Variants in KANK2 observed in about 807,000 individuals in gnomAD.
KANK2 encodes KN motif and ankyrin repeat domains 2, also known as KN motif and ankyrin repeat domain-containing protein 2.
Under a neutral mutation model 74.6 loss-of-function variants are expected in KANK2, and 41 were observed. That is an observed-to-expected ratio of 0.55 (90% CI 0.43 to 0.71). The LOEUF is 0.71. Ranked by LOEUF, KANK2 falls within the 30% of genes least tolerant of loss-of-function variation. The probability of loss-of-function intolerance (pLI) is 0.00; values close to 1 mark genes in which losing one functional copy is unlikely to be tolerated. For synonymous variants in KANK2, 537 were observed against 519.0 expected, an observed-to-expected ratio of 1.03 and a Z score of -0.47; for missense variants, 1,148 against 1,196.4, an observed-to-expected ratio of 0.96 and a Z score of 0.60.
In KANK2 at chr19:11,178,714, G is replaced by T. The variant is rs1416367626; in HGVS notation, c.1256C>A (p.Pro419Gln). 8 of 1,533,472 alleles carry T rather than the reference G, an allele frequency of 5.2e-6. No homozygotes were observed. The highest frequency in any genetic ancestry group is 2.3e-5 in the Admixed American group (1 of 42,820). 95.0% of individuals were successfully genotyped at this position (1,533,472 alleles called of 1,614,324 possible). ...ERSCDGAAGL[P>Q]EVPAESSSSP... Reference sequence around the variant, plus strand: ...CGAAGACGATTCGGCAGGAACTTCTGGGAGGCCTGGAGGGACAGGAAATGA... The same window carrying T: ...CGAAGACGATTCGGCAGGAACTTCTTGGAGGCCTGGAGGGACAGGAAATGA... Residue 419 changes from proline (P) to glutamine (Q), a missense_variant, in exon 5 of 13, where the codon CCA becomes CAA. Coordinates refer to ENST00000586659, the MANE Select transcript of KANK2 (RefSeq NM_001136191.3).
rs898908466 is a variant in KANK2 at position 11,164,979 on chromosome 19, G to T, written c.*1579C>A. On this transcript the variant is annotated 3_prime_UTR_variant, in exon 13 of 13. Transcript: ENST00000586659. ...AGGCTGAGCTCACTGGCCTCGAAAG[G>T]GCAGCGCGCGTATTTGGTTTGGAGC... 1.2e-4 allele frequency: 18 copies of T among 152,114 alleles called. No individual in the cohort carries two copies. Among genetic ancestry groups the T allele is most frequent in the African/African-American group, 4.1e-4 (17 of 41,402 alleles). The allele number at this position is 152,114 out of a possible 1,614,324, so 9.4% of individuals were successfully genotyped here.
intron 12 of KANK2, among the ~76,000 whole-genome samples, chr19:11,169,222 C>A (rs1226004807): frequency 2.0e-5 from 3 of 152,122 alleles, no homozygotes; most frequent in Non-Finnish European, 4.4e-5. Context: ...CCTGTAATCC[C>A]AGCTACTTTG....
chr19:11,192,999 C>T lies in KANK2; in HGVS notation c.1081G>A (p.Gly361Ser), dbSNP rs929051695. 13 of 1,613,788 alleles carry T rather than the reference C, an allele frequency of 8.1e-6. No homozygotes were observed. Among genetic ancestry groups the T allele is most frequent in the African/African-American group, 2.7e-5 (2 of 74,948 alleles). ...ATTGCCAGGGCCCTCAGCCCTGTGC[C>T]GTAAGGCTCCAGGCTCTGGGCCCGC... is the stretch of plus-strand genomic sequence containing the variant. Reference protein sequence around the residue: ...AQRAQSLEPYGTGLRALAMPG... With the variant: ...AQRAQSLEPYSTGLRALAMPG... The change falls in exon 4 of 13, where the codon GGC becomes AGC. Residue 361 changes from glycine to serine, a missense_variant. Gly to Ser is a moderately conservative substitution (Grantham distance 56). Transcript: ENST00000586659.
Position 11,192,844 on chromosome 19 carries a change from G to T in KANK2, c.1236C>A (p.Cys412Ter). Residue 412 changes from cysteine (C) to a stop codon, truncating the protein, a stop_gained, in exon 4 of 13, where the codon TGC becomes TGA. Transcript: ENST00000586659. LOFTEE classifies it high-confidence loss of function. ...GCGACCGCTTACCTGCTGCTCCATC[G>T]CAGCTTCGCTCTGTGATGCTAATCT... is the stretch of plus-strand genomic sequence containing the variant. The part of the protein sequence containing the change: ...VKKISITERS[C>*]DGAAGLPEVP... 6.3e-7 allele frequency: 1 copy of T among 1,597,060 alleles called. No homozygotes were observed. Among genetic ancestry groups the T allele is most frequent in the Non-Finnish European group, 8.5e-7 (1 of 1,172,826 alleles).
chr19:11,186,564 G>C (rs1271959491), intron 4 of KANK2, among the ~76,000 whole-genome samples: 1 of 151,158 alleles, frequency 6.6e-6, no homozygotes, highest in Non-Finnish European at 1.5e-5. Context: ...AGGCGTGGTG[G>C]GGCGCATGCC....
chr19:11,176,966 T>G, intron 6 of KANK2, 149 bp from the exon 7 acceptor site: 1 of 926,088 alleles, frequency 1.1e-6, no homozygotes, highest in Non-Finnish European at 1.5e-6. Flanking sequence ...GGTTGTGGGA[T>G]GTGGTTTACA....
chr19:11,168,310 T>TC (rs1159718266), intron 12 of KANK2, among the ~76,000 whole-genome samples: 2 of 146,252 alleles, frequency 1.4e-5, no homozygotes, highest in Non-Finnish European at 1.5e-5. Flanking sequence ...GGCCTCTTTC[T>TC]TTTTTTTTTT....
chr19:11,179,017 C>T (rs534396436), intron 4 of KANK2, among the ~76,000 whole-genome samples: 4 of 152,068 alleles, frequency 2.6e-5, no homozygotes, highest in African/African-American at 4.8e-5. Context: ...CCTGAGTGAT[C>T]GCTAAAAATA....
intron 3 of KANK2, 116 bp from the exon 4 acceptor site, chr19:11,194,158 G>A: frequency 8.9e-7 from 1 of 1,122,262 alleles, no homozygotes; most frequent in Non-Finnish European, 1.2e-6. Flanking sequence ...AGCCCACCTG[G>A]TACTCAACCG....
Position 11,193,590 on chromosome 19 carries a change from AC to A in KANK2, c.489del (p.Leu164CysfsTer43). ...GAACTCCGTGGTGTCGGGGGTGGCA[AC>A]CCCACGCCCACCAGGGAGGCTGTCG... ...AGSTASLVGV[G>X]LPPPTPRSSG... On this transcript the variant is annotated frameshift_variant, in exon 4 of 13. Transcript: ENST00000586659. LOFTEE classifies it high-confidence loss of function. The surrounding 1 kb of genome is among the most constrained non-coding windows in gnomAD (Gnocchi z 9.6). The A allele has an allele frequency of 6.3e-7, 1 of 1,581,614 alleles. No individual in the cohort carries two copies.
Position 11,194,526 on chromosome 19 carries a change from A to G in KANK2, c.-15T>C, listed in dbSNP as rs1168928854. 3.1e-6 allele frequency: 5 copies of G among 1,610,778 alleles called. No individual in the cohort carries two copies. The highest frequency in any genetic ancestry group is 3.4e-6 in the Non-Finnish European group (4 of 1,177,836). ...ACCTGGGCCATCTTCTTTTCTACAG[A>G]TGCTCCTTGGAAGTCACTTGAGGGA... On this transcript the variant is annotated 5_prime_UTR_variant, in exon 3 of 13. Transcript: ENST00000586659.
intron 4 of KANK2, among the ~76,000 whole-genome samples, chr19:11,189,775 C>T (rs924319463): frequency 1.3e-5 from 2 of 152,136 alleles, no homozygotes; most frequent in South Asian, 2.1e-4. Context: ...AGGTGGACAT[C>T]GCTATGTCTG....
At chr19:11,185,444 G>A (rs1443881970) in intron 4 of KANK2, among the ~76,000 whole-genome samples, 4 of 149,190 alleles carry the variant, frequency 2.7e-5, no homozygotes, top group South Asian at 4.2e-4. Context: ...GCCTCCCAAA[G>A]TGCTGGGATT....
intron 12 of KANK2, among the ~76,000 whole-genome samples, chr19:11,167,996 C>T (rs2078069387): frequency 2.0e-5 from 3 of 149,096 alleles, no homozygotes; most frequent in South Asian, 4.3e-4. Flanking sequence ...CTCGCCATCC[C>T]ACGTCCTTGT....
At chr19:11,194,152 C>T in intron 3 of KANK2, 110 bp from the exon 4 acceptor site, 1 of 1,207,032 alleles carries the variant, frequency 8.3e-7, no homozygotes, top group South Asian at 1.6e-5. Context: ...GATGGGAGCC[C>T]ACCTGGTACT....
At chr19:11,189,573 C>T (rs908391776) in intron 4 of KANK2, among the ~76,000 whole-genome samples, 12 of 127,852 alleles carry the variant, frequency 9.4e-5, no homozygotes, top group Non-Finnish European at 1.4e-4. Flanking sequence ...CACTGCACTC[C>T]AGCCTGGGCG....
At position 11,178,546 on chromosome 19, in the gene KANK2, C is replaced by G. The variant is rs771959624; in HGVS notation, c.1417+7G>C. ...CCCGTCCCTCTTGGCGGCCACCCAC[C>G]ACTTACCGGTGCCCCCGGCCTCCTC... On this transcript the variant is annotated splice_region_variant and intron_variant, in intron 5 of 12. Transcript: ENST00000586659. 10 of 1,604,068 alleles carry G rather than the reference C, an allele frequency of 6.2e-6. No homozygotes were observed. The highest frequency in any genetic ancestry group is 7.6e-6 in the Non-Finnish European group (9 of 1,176,748).
Position 11,192,943 on chromosome 19 carries a change from G to A in KANK2, c.1137C>T (p.Phe379=), listed in dbSNP as rs769852371. 1 of 1,614,172 alleles carries A rather than the reference G, an allele frequency of 6.2e-7. No homozygotes were observed. The highest frequency in any genetic ancestry group is 1.1e-5 in the South Asian group (1 of 91,078). ...TTGTCTCCACCACCTCCTGGCTGCGGAACACAGGTGGGCTCTCAGGCCTAC... is the reference window on the plus strand; with the variant it reads ...TTGTCTCCACCACCTCCTGGCTGCGAAACACAGGTGGGCTCTCAGGCCTAC... ...MPGRPESPPV[F]RSQEVVETMC... is the part of the protein sequence containing the mutation. The change falls in exon 4 of 13, where the codon TTC becomes TTT. Residue 379 remains phenylalanine, a synonymous_variant. Transcript: ENST00000586659.
At chr19:11,172,514 G>A (rs772131211) in intron 10 of KANK2, among the ~76,000 whole-genome samples, 5 of 152,042 alleles carry the variant, frequency 3.3e-5, no homozygotes, top group Non-Finnish European at 7.4e-5. Context: ...CACAGTGCCT[G>A]TTTCTGCTTC....
Sources: allele counts gnomAD v4.1 joint callset (sites outside exome capture counted in the v4.1 genomes callset), GRCh38; gene constraint gnomAD v4.1.1; non-coding constraint Gnocchi (gnomAD v3.1); transcripts MANE v1.5; gene names NCBI Gene and HGNC (gene_info 2026-07-23, HGNC 2026-07-21).